TESMIN: variants seen among roughly 807,000 people sequenced by gnomAD.
TESMIN encodes testis expressed metallothionein like protein.
Under a neutral mutation model 47.4 loss-of-function variants are expected in TESMIN, and 34 were observed. That is an observed-to-expected ratio of 0.72 (90% confidence interval 0.55 to 0.96). The LOEUF (loss-of-function observed/expected upper bound fraction) is 0.96, where lower values mean the gene tolerates loss of function less well. Ranked by LOEUF, TESMIN falls within the 40% of genes least tolerant of loss-of-function variation. The pLI, the probability that TESMIN is intolerant of heterozygous loss-of-function variation, is 0.00. For synonymous variants in TESMIN, 278 were observed against 258.9 expected, an observed-to-expected ratio of 1.07 and a Z score of -0.71; for missense variants, 610 against 637.2, an observed-to-expected ratio of 0.96 and a Z score of 0.46.
chr11:68,708,910 A>G (rs1331878961), intron 9 of TESMIN, among the ~76,000 whole-genome samples: 6 of 151,994 alleles, frequency 3.9e-5, no homozygotes, highest in Non-Finnish European at 8.8e-5. Context: ...GCACCACCAC[A>G]CCTGGCTAAT....
intron 1 of TESMIN, among the ~76,000 whole-genome samples, 186 bp downstream of exon 1, chr11:68,751,234 G>T (rs1385795763): frequency 7.4e-6 from 1 of 135,550 alleles, no homozygotes; most frequent in Non-Finnish European, 1.6e-5. Context: ...AGGGGGTCAG[G>T]TGAGGAGCAG....
chr11:68,736,610 G>A, intron 6 of TESMIN: 1 of 985,270 alleles, frequency 1.0e-6, no homozygotes. Context: ...ATTGGATTAA[G>A]TAATTATGTG....
At chr11:68,709,430 A>C (rs1946036431) in intron 9 of TESMIN, among the ~76,000 whole-genome samples, 1 of 152,228 alleles carries the variant, frequency 6.6e-6, no homozygotes. Flanking sequence ...TCCTGCTGTC[A>C]GGACAGCCTT....
At chr11:68,741,896 G>A (rs1174580034) in intron 5 of TESMIN, among the ~76,000 whole-genome samples, 3 of 152,220 alleles carry the variant, frequency 2.0e-5, no homozygotes, top group Non-Finnish European at 2.9e-5. Flanking sequence ...GAAAAAGAGC[G>A]TATTTGTCCT....
chr11:68,731,449 A>AT (rs957187018), intron 6 of TESMIN, among the ~76,000 whole-genome samples: 15 of 151,538 alleles, frequency 9.9e-5, no homozygotes, highest in South Asian at 2.1e-4. Context: ...ATAAAATAAA[A>AT]AAAAAAATAC....
At chr11:68,749,468 C>G (rs1268432069) in intron 2 of TESMIN, among the ~76,000 whole-genome samples, 1 of 152,208 alleles carries the variant, frequency 6.6e-6, no homozygotes, top group Non-Finnish European at 1.5e-5. Flanking sequence ...GAGCTGGGTC[C>G]TTTTTGAGGG....
intron 2 of TESMIN, among the ~76,000 whole-genome samples, chr11:68,749,938 G>C (rs527726606): frequency 2.6e-5 from 4 of 152,330 alleles, no homozygotes; most frequent in Admixed American, 2.6e-4. Flanking sequence ...TGCATGGTTA[G>C]GTCAGCTTTG....
In TESMIN at chr11:68,750,640, C is replaced by T. The variant is rs758718181; in HGVS notation, c.21G>A (p.Pro7=). The T allele has an allele frequency of 9.0e-6, 14 of 1,562,696 alleles. No homozygotes were observed. Among genetic ancestry groups the T allele is most frequent in the Admixed American group, 3.6e-5 (2 of 55,784 alleles). The change falls in exon 2 of 10, where the codon CCG becomes CCA. Residue 7 remains proline, a synonymous_variant. Coordinates refer to ENST00000255087, the MANE Select transcript of TESMIN (RefSeq NM_004923.3). ...CATCCTCGGGGCTGGGCAGCCCGCC[C>T]GGCAGAGGGCCCTCCTCCATGGCGC... is the stretch of plus-strand genomic sequence containing the variant. MEEGPL[P]GGLPSPEDAM...
intron 4 of TESMIN, among the ~76,000 whole-genome samples, chr11:68,743,074 T>G (rs1226215531): frequency 6.6e-6 from 1 of 152,000 alleles, no homozygotes; most frequent in Non-Finnish European, 1.5e-5. Flanking sequence ...GACAGGATCT[T>G]GCCACATTGA....
chr11:68,745,076 T>C lies in TESMIN; in HGVS notation c.666A>G (p.Leu222=). 1.9e-6 allele frequency: 3 copies of C among 1,589,238 alleles called. No homozygotes were observed. Among genetic ancestry groups the C allele is most frequent in the Non-Finnish European group, 1.7e-6 (2 of 1,174,110 alleles). The change falls in exon 4 of 10, where the codon CTA becomes CTG. Residue 222 remains leucine, a synonymous_variant. Coordinates refer to ENST00000255087, the MANE Select transcript of TESMIN (RefSeq NM_004923.3). Reference sequence around the variant, plus strand: ...CTCTTGTTCTAGAATTGTCTATACATAGCATTTGTGTGCCCCCTTTCAATT... The same window carrying C: ...CTCTTGTTCTAGAATTGTCTATACACAGCATTTGTGTGCCCCCTTTCAATT... ...ICQLKGGTQM[L]CIDNSRTREL... is the part of the protein sequence containing the mutation.
intron 6 of TESMIN, among the ~76,000 whole-genome samples, chr11:68,717,090 G>A (rs147771763): frequency 1.0e-4 from 16 of 152,384 alleles, no homozygotes; most frequent in South Asian, 4.1e-4. Context: ...GGCGAGGGCC[G>A]TGCAGGAGAC....
intron 6 of TESMIN, among the ~76,000 whole-genome samples, chr11:68,730,091 C>T (rs533661108): frequency 1.9e-4 from 29 of 152,230 alleles, no homozygotes; most frequent in Non-Finnish European, 4.0e-4. Context: ...GCTGAAGGCT[C>T]AGATGATTGT....
chr11:68,714,310 AG>A (rs1327569725), intron 7 of TESMIN, among the ~76,000 whole-genome samples: 1 of 152,214 alleles, frequency 6.6e-6, no homozygotes, highest in Non-Finnish European at 1.5e-5. Context: ...GAAGTGTGAC[AG>A]GCAGTGGAGG....
chr11:68,708,652 T>G (rs1436208921), intron 9 of TESMIN, 152 bp from the exon 10 acceptor site: 1 of 804,152 alleles, frequency 1.2e-6, no homozygotes, highest in Non-Finnish European at 1.9e-6. Context: ...CTGGAAACTA[T>G]TAGGCTGGGC....
intron 6 of TESMIN, among the ~76,000 whole-genome samples, chr11:68,725,586 T>C (rs988792543): frequency 6.6e-6 from 1 of 152,150 alleles, no homozygotes; most frequent in African/African-American, 2.4e-5. Flanking sequence ...ACAGGCATAT[T>C]GAATCATGAA....
chr11:68,734,512 C>T (rs1946364487), intron 6 of TESMIN, among the ~76,000 whole-genome samples: 1 of 152,150 alleles, frequency 6.6e-6, no homozygotes, highest in Non-Finnish European at 1.5e-5. Context: ...GTGACAAAAA[C>T]CAAACTAGAT....
chr11:68,734,045 T>C (rs1249029727), intron 6 of TESMIN, among the ~76,000 whole-genome samples: 1 of 152,140 alleles, frequency 6.6e-6, no homozygotes. Flanking sequence ...CTCTCCCCAC[T>C]GAACAGCTCT....
In TESMIN at chr11:68,750,257, G is replaced by T; in HGVS notation, c.404C>A (p.Pro135Gln). 6.5e-7 allele frequency: 1 copy of T among 1,543,156 alleles called. No homozygotes were observed. The highest frequency in any genetic ancestry group is 1.2e-5 in the South Asian group (1 of 82,670). The change falls in exon 2 of 10, where the codon CCG becomes CAG. Residue 135 changes from proline (P) to glutamine (Q), a missense_variant. By Grantham distance (76) the Pro-to-Gln change is moderately conservative. Coordinates refer to ENST00000255087, the MANE Select transcript of TESMIN (RefSeq NM_004923.3). ...CCAGGCGCCCAGGGGCAACACCGCC[G>T]GGCTGCGGTGCGCGGGTAGCAGCGA... ...LSSLLPAHRS[P>Q]AVLPLGAWVL...
chr11:68,710,895 A>G lies in TESMIN; in HGVS notation c.1313T>C (p.Leu438Pro), dbSNP rs1483262451. ...CTACCTATCGTGACTGAATCTTGGA[A>G]GTCCTGAAAATTTCGTTGGTGGCAG... ...HYLPPTKFSG[L>P]PRFSHDRRPS... Residue 438 changes from leucine to proline, a missense_variant, in exon 9 of 10, where the codon CTT becomes CCT. By Grantham distance (98) the Leu-to-Pro change is moderately conservative (BLOSUM62 -3). Transcript: ENST00000255087. 2.5e-6 allele frequency: 4 copies of G among 1,613,276 alleles called. No homozygotes were observed. The South Asian group carries it at 4.4e-5, about 18-fold the overall frequency.
Sources: gnomAD v4.1 joint callset for allele counts (sites outside exome capture counted in the v4.1 genomes callset) on GRCh38, gnomAD v4.1.1 for gene constraint, MANE v1.5 for transcripts, NCBI Gene and HGNC (gene_info 2026-07-23, HGNC 2026-07-21) for gene names.